The following CDC42BPB variants were observed in gnomAD, a reference collection of about 807,000 sequenced individuals.
CDC42BPB encodes serine/threonine-protein kinase MRCK beta.
In CDC42BPB, 37 loss-of-function variants were observed where a neutral mutation model predicts 214.9. The ratio of observed to expected loss-of-function variants is 0.17; its 90% CI spans 0.13 to 0.23. The LOEUF (loss-of-function observed/expected upper bound fraction) is 0.23, where lower values mean the gene tolerates loss of function less well. Among genes scored for constraint, CDC42BPB ranks in the 10% least tolerant of loss-of-function variants. CDC42BPB has a pLI of 1.00. For missense variants in CDC42BPB, 1,694 were observed against 2,227.0 expected (o/e 0.76, Z 4.82); for synonymous variants, 931 against 884.0 (o/e 1.05, Z -0.94).
intron 1 of CDC42BPB, among the ~76,000 whole-genome samples, chr14:103,028,590 G>A (rs779560103): frequency 3.3e-5 from 5 of 152,176 alleles, no homozygotes; most frequent in Non-Finnish European, 5.9e-5. Context: ...CCAGGAACAC[G>A]CCCGTCTGCA....
intron 1 of CDC42BPB, among the ~76,000 whole-genome samples, chr14:103,015,883 AT>A (rs1231998343): frequency 4.8e-3 from 672 of 138,876 alleles, no homozygotes; most frequent in Middle Eastern, 0.011. Flanking sequence ...TAATTTTTGT[AT>A]TTTTTTTTTT....
At chr14:103,022,939 T>G (rs1201322076) in intron 1 of CDC42BPB, among the ~76,000 whole-genome samples, 1 of 152,170 alleles carries the variant, frequency 6.6e-6, no homozygotes, top group East Asian at 1.9e-4. Context: ...CCAGTTCTCT[T>G]AAGAACTGTT....
At chr14:102,990,889 T>C (rs1330397452) in intron 5 of CDC42BPB, among the ~76,000 whole-genome samples, 1 of 152,194 alleles carries the variant, frequency 6.6e-6, no homozygotes, top group East Asian at 1.9e-4. Flanking sequence ...AGGATCCATG[T>C]AGCCACACTG....
chr14:103,005,022 G>A (rs1398815589), intron 3 of CDC42BPB, among the ~76,000 whole-genome samples: 1 of 151,904 alleles, frequency 6.6e-6, no homozygotes, highest in African/African-American at 2.4e-5. Flanking sequence ...AAAAAAATTA[G>A]CTGGGTGTGG....
At chr14:103,025,051 G>A (rs1886974907) in intron 1 of CDC42BPB, among the ~76,000 whole-genome samples, 1 of 152,124 alleles carries the variant, frequency 6.6e-6, no homozygotes, top group Non-Finnish European at 1.5e-5. Context: ...TCACTGCTGT[G>A]AATTCAGAAA....
At chr14:102,966,162 T>G (rs1893192554) in intron 18 of CDC42BPB, 120 bp downstream of exon 18, 1 of 685,000 alleles carries the variant, frequency 1.5e-6, no homozygotes, top group African/African-American at 1.8e-5. Flanking sequence ...GGGGAACTGG[T>G]TACACAGAAG....
intron 1 of CDC42BPB, among the ~76,000 whole-genome samples, chr14:103,021,403 T>C (rs1886765095): frequency 6.6e-6 from 1 of 151,400 alleles, no homozygotes; most frequent in Admixed American, 6.6e-5. Flanking sequence ...GAGGCGGAGC[T>C]TGCAGTGAGC....
At chr14:103,041,878 A>G (rs1462847181) in intron 1 of CDC42BPB, 2 of 423,396 alleles carry the variant, frequency 4.7e-6, no homozygotes, top group East Asian at 6.6e-5. Flanking sequence ...GAAGGGAGAC[A>G]GTTCTGCTGA....
chr14:102,949,171 C>T (rs1022520911), intron 26 of CDC42BPB, among the ~76,000 whole-genome samples: 1 of 152,226 alleles, frequency 6.6e-6, no homozygotes, highest in Non-Finnish European at 1.5e-5. Flanking sequence ...CGTTTACCTT[C>T]ACAACAACAT....
chr14:103,016,473 G>GCAGGTGAGGTGAGGGAAC (rs1886467266), intron 1 of CDC42BPB, among the ~76,000 whole-genome samples: 1 of 81,614 alleles, frequency 1.2e-5, no homozygotes, highest in African/African-American at 4.0e-5. Context: ...TGCCGGTGAA[G>GCAGGTGAGGTGAGGGAAC]CAGGTGAGGG....
chr14:103,001,624 C>T lies in CDC42BPB; in HGVS notation c.448-1911G>A, dbSNP rs58737862. ...CCAGCTACGTTCAGAAGCCCAGGCA[C>T]CGAGGTGCCACTGCGTGTGGAGGGC... On this transcript the variant is annotated intron_variant, in intron 4 of 36. Transcript: ENST00000361246. The surrounding 1 kb of genome is among the most constrained non-coding windows in gnomAD (Gnocchi z 5.8). 0.05 allele frequency among the ~76,000 whole-genome samples: 7,557 copies of T among 152,254 alleles called. 619 individuals are homozygous for T. The highest frequency in any genetic ancestry group is 0.17 in the African/African-American group (7,178 of 41,530).
chr14:102,945,488 A>C lies in CDC42BPB; in HGVS notation c.3811+174T>G, dbSNP rs533752317. ...GAAGAACTCGATGGATGTGATACGC[A>C]ACTTAGCACCGCGTCGCCATGCACT... On this transcript the variant is annotated intron_variant, in intron 29 of 36. Coordinates refer to ENST00000361246, the MANE Select transcript of CDC42BPB (RefSeq NM_006035.4). Among the ~76,000 whole-genome samples the C allele has an allele frequency of 2.1e-4, 32 of 152,358 alleles. No homozygotes were observed. In the South Asian group the frequency reaches 6.4e-3, roughly 31 times the overall value.
intron 1 of CDC42BPB, among the ~76,000 whole-genome samples, chr14:103,028,875 G>C (rs970596429): frequency 6.6e-6 from 1 of 152,186 alleles, no homozygotes; most frequent in African/African-American, 2.4e-5. Flanking sequence ...ATTCATGCCA[G>C]GGACTTTTTT....
chr14:103,050,626 G>A (rs1322795426), intron 1 of CDC42BPB, among the ~76,000 whole-genome samples: 5 of 140,202 alleles, frequency 3.6e-5, no homozygotes, highest in Admixed American at 2.1e-4. Context: ...GTGTAGCGGT[G>A]TATGCCTATT....
At chr14:102,950,407 C>T in intron 25 of CDC42BPB, 59 bp downstream of exon 25, 2 of 1,595,238 alleles carry the variant, frequency 1.3e-6, no homozygotes, top group Non-Finnish European at 1.7e-6. Context: ...CTGGGCATGG[C>T]TATTGGTCAC....
intron 1 of CDC42BPB, among the ~76,000 whole-genome samples, chr14:103,026,356 A>G (rs1287770549): frequency 6.6e-6 from 1 of 152,120 alleles, no homozygotes. Context: ...ACGCCATTGC[A>G]TTCCAGCCTG....
chr14:102,952,155 T>C (rs1031781775), intron 24 of CDC42BPB, among the ~76,000 whole-genome samples: 1 of 152,044 alleles, frequency 6.6e-6, no homozygotes, highest in Non-Finnish European at 1.5e-5. Context: ...GAGACCGGTC[T>C]GGGAAACAAA....
At chr14:102,976,833 A>G (rs1009433455) in intron 9 of CDC42BPB, among the ~76,000 whole-genome samples, 2 of 152,180 alleles carry the variant, frequency 1.3e-5, no homozygotes, top group South Asian at 2.1e-4. Flanking sequence ...GCCAAACTAC[A>G]GCCATGGGCT....
At chr14:102,946,896 A>G (rs1439391619) in intron 27 of CDC42BPB, 1 of 984,644 alleles carries the variant, frequency 1.0e-6, no homozygotes, top group Non-Finnish European at 1.2e-6. Flanking sequence ...GCCCCGTGAG[A>G]TCGCTTCCTG....
Sources: gnomAD v4.1 joint callset for allele counts (sites outside exome capture counted in the v4.1 genomes callset) on GRCh38, gnomAD v4.1.1 for gene constraint, Gnocchi (gnomAD v3.1) non-coding constraint, MANE v1.5 for transcripts, NCBI Gene and HGNC (gene_info 2026-07-23, HGNC 2026-07-21) for gene names.